The following TNRC6B variants were observed in gnomAD, a reference collection of about 807,000 sequenced individuals.
The protein encoded by TNRC6B is trinucleotide repeat containing adaptor 6B, also known as trinucleotide repeat-containing gene 6B protein.
TNRC6B carries 52 observed loss-of-function variants against 203.6 expected under a neutral mutation model. The ratio of observed to expected loss-of-function variants is 0.26; its 90% CI spans 0.20 to 0.32. The LOEUF (loss-of-function observed/expected upper bound fraction) is 0.32. Among genes scored for constraint, TNRC6B ranks in the 10% least tolerant of loss-of-function variants. The probability of loss-of-function intolerance (pLI) is 1.00; values close to 1 mark genes in which losing one functional copy is unlikely to be tolerated. For synonymous variants in TNRC6B, 838 were observed against 845.7 expected (o/e 0.99, Z 0.16); for missense variants, 1,923 against 2,286.2 (o/e 0.84, Z 3.24).
chr22:40,145,095 A>G (rs989817052), intron 3 of TNRC6B, among the ~76,000 whole-genome samples: 7 of 133,728 alleles, frequency 5.2e-5, no homozygotes, highest in African/African-American at 2.3e-4. Flanking sequence ...AAATTTTTTT[A>G]ATTAGCTGGG....
intron 1 of TNRC6B, among the ~76,000 whole-genome samples, chr22:40,062,838 T>G (rs1460415088): frequency 6.6e-6 from 1 of 152,254 alleles, no homozygotes; most frequent in East Asian, 1.9e-4. Context: ...ATAATATTTC[T>G]TTATATATCT....
intron 1 of TNRC6B, among the ~76,000 whole-genome samples, chr22:40,202,756 C>G (rs960255246): frequency 6.6e-6 from 1 of 151,992 alleles, no homozygotes; most frequent in Admixed American, 6.6e-5. Context: ...TGGAAGAGGG[C>G]CAGGAGTAGA....
intron 1 of TNRC6B, among the ~76,000 whole-genome samples, chr22:40,108,993 C>T (rs182010706): frequency 1.6e-5 from 2 of 125,824 alleles, no homozygotes; most frequent in African/African-American, 5.9e-5. Context: ...TCCATGTGTT[C>T]TCATTGTTCA....
chr22:40,113,149 G>A (rs1469826102), intron 1 of TNRC6B, among the ~76,000 whole-genome samples: 3 of 151,974 alleles, frequency 2.0e-5, no homozygotes, highest in African/African-American at 4.8e-5. Context: ...GAGGGGAGGA[G>A]GAGCGCAATA....
At chr22:40,177,848 C>T, upstream of TNRC6B, 1 of 1,326,208 alleles carries the variant, frequency 7.5e-7, no homozygotes, top group Non-Finnish European at 9.6e-7. Context: ...CAGCTCCCTC[C>T]CCTTTCCTGA....
rs1013111491 is a variant in TNRC6B at position 40,280,058 on chromosome 22, A to G, written c.3326A>G (p.Asp1109Gly). Residue 1109 changes from aspartate (D) to glycine (G), a missense_variant, in exon 10 of 23, where the codon GAT (aspartate) becomes GGT (glycine). Transcript: ENST00000454349. ...KRAMNLGDFN[D>G]IMRKDRSGFR... is the part of the protein sequence containing the mutation. ...GCGATGAATCTCGGGGATTTTAATGATATCATGAGGAAGGATCGATCTGGG... is the reference window on the plus strand; with the variant it reads ...GCGATGAATCTCGGGGATTTTAATGGTATCATGAGGAAGGATCGATCTGGG... 1.2e-6 allele frequency: 2 copies of G among 1,613,886 alleles called. No homozygotes were observed. Among genetic ancestry groups the G allele is most frequent in the Admixed American group, 1.7e-5 (1 of 60,016 alleles).
At chr22:40,320,353 G>A (rs948116711) in intron 21 of TNRC6B, among the ~76,000 whole-genome samples, 5 of 152,210 alleles carry the variant, frequency 3.3e-5, no homozygotes, top group South Asian at 2.1e-4. Flanking sequence ...TGTGGTGTGC[G>A]CCTGTAATTC....
chr22:40,267,330 A>G (rs2070495650), intron 5 of TNRC6B, among the ~76,000 whole-genome samples: 1 of 152,268 alleles, frequency 6.6e-6, no homozygotes, highest in South Asian at 2.1e-4. Flanking sequence ...ATCTTGCCAA[A>G]CAAACTATGT....
At chr22:40,135,127 C>T (rs995087224) in intron 3 of TNRC6B, among the ~76,000 whole-genome samples, 3 of 152,206 alleles carry the variant, frequency 2.0e-5, no homozygotes, top group Non-Finnish European at 4.4e-5. Flanking sequence ...TTGGGTTTCT[C>T]ACAGCATGGT....
At chr22:40,264,162 T>C (rs1025528175) in intron 4 of TNRC6B, among the ~76,000 whole-genome samples, 2 of 152,138 alleles carry the variant, frequency 1.3e-5, no homozygotes, top group Admixed American at 6.5e-5. Flanking sequence ...TCAAGTAGTA[T>C]CGAATATTGA....
chr22:40,322,733 A>T (rs1569070524), intron 22 of TNRC6B, 121 bp from the exon 23 acceptor site: 1 of 1,203,374 alleles, frequency 8.3e-7, no homozygotes, highest in Non-Finnish European at 1.2e-6. Context: ...AAAAGCGTTC[A>T]TGGATATGGC....
Position 40,211,835 on chromosome 22 carries a change from C to A in TNRC6B, c.5+33695C>A, listed in dbSNP as rs1048525441. 2.6e-5 allele frequency among the ~76,000 whole-genome samples: 4 copies of A among 152,166 alleles called. No homozygotes were observed. The East Asian group carries it at 7.7e-4, about 29-fold the overall frequency. On this transcript the variant is annotated intron_variant, in intron 1 of 22. Coordinates refer to ENST00000454349, the MANE Select transcript of TNRC6B (RefSeq NM_001162501.2). The stretch of plus-strand genomic sequence containing the variant: ...AAATTGAGGCTCTGGGAGGGGGAAC[C>A]CTGTGCCCCAGGCTACATTGTGGCT...
chr22:40,199,563 A>G (rs1027043640), intron 1 of TNRC6B, among the ~76,000 whole-genome samples: 1 of 152,162 alleles, frequency 6.6e-6, no homozygotes, highest in Non-Finnish European at 1.5e-5. Flanking sequence ...GGGTCATGAA[A>G]GTCAAAGCAA....
intron 1 of TNRC6B, among the ~76,000 whole-genome samples, chr22:40,098,669 G>A (rs533415398): frequency 3.3e-5 from 5 of 152,092 alleles, no homozygotes; most frequent in Non-Finnish European, 5.9e-5. Context: ...CTCAATTCAA[G>A]ATTATAAAAA....
chr22:40,253,553 A>T (rs1440997972), intron 3 of TNRC6B: 2 of 455,394 alleles, frequency 4.4e-6, no homozygotes, highest in Non-Finnish European at 8.8e-6. Flanking sequence ...TATATAATGA[A>T]ATACAGTTTC....
intron 2 of TNRC6B, among the ~76,000 whole-genome samples, chr22:40,248,509 T>C (rs1394831374): frequency 6.6e-6 from 1 of 152,242 alleles, no homozygotes; most frequent in African/African-American, 2.4e-5. Context: ...TTTCTTAAAC[T>C]ACAAATATCA....
At chr22:40,149,086 A>C (rs2146345343) in intron 3 of TNRC6B, among the ~76,000 whole-genome samples, 1 of 152,384 alleles carries the variant, frequency 6.6e-6, no homozygotes, top group South Asian at 2.1e-4. Flanking sequence ...GTGAGTGTTC[A>C]TAGCAGCTTT....
intron 1 of TNRC6B, chr22:40,106,418 T>C: frequency 1.0e-6 from 1 of 984,018 alleles, no homozygotes; most frequent in Non-Finnish European, 1.6e-6. Flanking sequence ...TTCTGCCTCA[T>C]GGAGAAGATA....
chr22:40,289,583 C>T (rs186523850), intron 12 of TNRC6B, among the ~76,000 whole-genome samples: 2 of 152,282 alleles, frequency 1.3e-5, no homozygotes, highest in African/African-American at 4.8e-5. Flanking sequence ...ACACCTACTA[C>T]ACTGGTTCTC....
Sources: allele counts gnomAD v4.1 joint callset (sites outside exome capture counted in the v4.1 genomes callset), GRCh38; gene constraint gnomAD v4.1.1; transcripts MANE v1.5; gene names NCBI Gene and HGNC (gene_info 2026-07-23, HGNC 2026-07-21).